Variants in RBM27 observed in about 807,000 individuals in gnomAD.
The protein encoded by RBM27 is RNA-binding protein 27.
A neutral mutation model predicts 135.3 loss-of-function variants in RBM27; 22 were observed. That is an observed-to-expected ratio of 0.16 (90% CI 0.12 to 0.23). The LOEUF (loss-of-function observed/expected upper bound fraction) is 0.23, where lower values mean the gene tolerates loss of function less well. RBM27 is among the 10% of genes least tolerant of loss of function. The pLI, the probability that RBM27 is intolerant of heterozygous loss-of-function variation, is 1.00. For synonymous variants in RBM27, 481 were observed against 442.4 expected (o/e 1.09, Z -1.10); for missense variants, 1,009 against 1,281.0 (o/e 0.79, Z 3.24).
chr5:146,283,561 A>G (rs1204138917), intron 19 of RBM27, among the ~76,000 whole-genome samples: 4 of 151,958 alleles, frequency 2.6e-5, no homozygotes, highest in African/African-American at 9.7e-5. Flanking sequence ...AAAGGTACAT[A>G]TCTATATTTG....
chr5:146,266,983 A>G (rs1758643273), intron 14 of RBM27, among the ~76,000 whole-genome samples: 3 of 152,208 alleles, frequency 2.0e-5, no homozygotes, highest in Admixed American at 2.0e-4. Context: ...TAATACTTAG[A>G]AGGATTTTTC....
At chr5:146,228,221 G>A (rs1756759094) in intron 3 of RBM27, among the ~76,000 whole-genome samples, 1 of 150,546 alleles carries the variant, frequency 6.6e-6, no homozygotes, top group South Asian at 2.1e-4. Context: ...GCCCTCTCTT[G>A]CGCCAGAAAT....
chr5:146,247,079 G>C (rs1236604313), intron 8 of RBM27, among the ~76,000 whole-genome samples: 1 of 151,932 alleles, frequency 6.6e-6, no homozygotes, highest in African/African-American at 2.4e-5. Flanking sequence ...GCCCAGGCTG[G>C]TCTCAAACTC....
At chr5:146,231,866 CAGCCTCCCAAAGTGCTGGG>C (rs1756949156) in intron 6 of RBM27, among the ~76,000 whole-genome samples, 2 of 152,172 alleles carry the variant, frequency 1.3e-5, no homozygotes, top group Non-Finnish European at 2.9e-5. Flanking sequence ...CCACCTTCCT[CAGCCTCCCAAAGTGCTGGG>C]ATTACAGGTG....
intron 17 of RBM27, among the ~76,000 whole-genome samples, 156 bp downstream of exon 17, chr5:146,269,740 AC>A (rs1258683886): frequency 2.2e-5 from 3 of 136,854 alleles, no homozygotes; most frequent in Non-Finnish European, 3.1e-5. Flanking sequence ...TAATTATAGT[AC>A]CTTTTTTTTT....
chr5:146,247,828 G>A (rs745344530), intron 8 of RBM27, among the ~76,000 whole-genome samples: 19 of 152,256 alleles, frequency 1.2e-4, no homozygotes, highest in Non-Finnish European at 2.4e-4. Flanking sequence ...GTGTGTAAAG[G>A]TGTTTTCATC....
chr5:146,233,223 A>G (rs1757012695), intron 6 of RBM27, among the ~76,000 whole-genome samples: 1 of 152,114 alleles, frequency 6.6e-6, no homozygotes, highest in Non-Finnish European at 1.5e-5. Context: ...TGACTCTTTT[A>G]TTTGCTTTCT....
intron 8 of RBM27, among the ~76,000 whole-genome samples, chr5:146,247,363 A>G (rs892966200): frequency 6.6e-6 from 1 of 152,196 alleles, no homozygotes; most frequent in Non-Finnish European, 1.5e-5. Flanking sequence ...CAAAATTTGT[A>G]ACAGTTTACT....
chr5:146,222,288 G>T (rs561568948), intron 2 of RBM27, among the ~76,000 whole-genome samples: 3 of 152,362 alleles, frequency 2.0e-5, no homozygotes, highest in Non-Finnish European at 4.4e-5. Flanking sequence ...TTATGTAAAA[G>T]ATGTAATCAT....
rs184964365 is a variant in RBM27, at chr5:146,219,380, G to A, written c.178+277G>A. Among the ~76,000 whole-genome samples the A allele has an allele frequency of 4.6e-5, 7 of 152,302 alleles. No homozygotes were observed. The East Asian group carries it at 1.2e-3, about 25-fold the overall frequency. ...CAGCTTTTGACAGAGCCTACTTGAT[G>A]ATTGAGGGGTAACAGTTTAAGGATA... On this transcript the variant is annotated intron_variant, in intron 2 of 20. Transcript: ENST00000265271.
intron 1 of RBM27, among the ~76,000 whole-genome samples, chr5:146,210,063 A>G (rs953116583): frequency 6.6e-6 from 1 of 152,146 alleles, no homozygotes; most frequent in Admixed American, 6.5e-5. Flanking sequence ...CTCTTTTTAT[A>G]CAATGTATTA....
intron 1 of RBM27, among the ~76,000 whole-genome samples, chr5:146,208,540 A>G (rs917481741): frequency 3.3e-5 from 5 of 152,248 alleles, no homozygotes; most frequent in Admixed American, 6.5e-5. Flanking sequence ...CAGCTGCATG[A>G]ATAGACTAGA....
chr5:146,209,810 A>G (rs1445971748), intron 1 of RBM27, among the ~76,000 whole-genome samples: 1 of 152,208 alleles, frequency 6.6e-6, no homozygotes, highest in Non-Finnish European at 1.5e-5. Context: ...GGACTTAAGG[A>G]TACCATTCAC....
chr5:146,232,860 C>T (rs1443255747), intron 6 of RBM27, among the ~76,000 whole-genome samples: 1 of 152,194 alleles, frequency 6.6e-6, no homozygotes, highest in Non-Finnish European at 1.5e-5. Context: ...AGCGACTGCG[C>T]CCAGCCCTGC....
chr5:146,205,875 C>T (rs1056589726), intron 1 of RBM27, among the ~76,000 whole-genome samples: 1 of 151,818 alleles, frequency 6.6e-6, no homozygotes, highest in Non-Finnish European at 1.5e-5. Context: ...AAAAATTAAC[C>T]GGCTGTGGTG....
rs752655283 is a variant in RBM27 at position 146,261,640 on chromosome 5, A to G, written c.2024A>G (p.Asn675Ser). ...RFIRVLWHRENNEQPTLQSSA... is the reference protein window; with the variant it reads ...RFIRVLWHRESNEQPTLQSSA... ...ATTCGAGTCTTGTGGCATAGGGAAA[A>G]TAATGAGCAACCGACACTACAGTCC... Residue 675 changes from asparagine (N) to serine (S), a missense_variant, in exon 13 of 21, where the codon AAT (asparagine) becomes AGT (serine). Asn to Ser is a conservative substitution (Grantham distance 46). Around this residue, in one of 6 missense-constraint regions of RBM27, gnomAD observed 355 missense variants for 427.3 expected, o/e 0.83. Transcript: ENST00000265271. 2.5e-6 allele frequency: 4 copies of G among 1,614,190 alleles called. No homozygotes were observed. In the Middle Eastern group the frequency reaches 4.9e-4, roughly 200 times the overall value.
At chr5:146,280,271 G>A (rs1759278770) in intron 19 of RBM27, among the ~76,000 whole-genome samples, 1 of 151,968 alleles carries the variant, frequency 6.6e-6, no homozygotes, top group East Asian at 1.9e-4. Flanking sequence ...TTGGCCAGCT[G>A]GTCTCAAACT....
At chr5:146,279,225 G>A (rs1581244368) in intron 19 of RBM27, among the ~76,000 whole-genome samples, 1 of 151,566 alleles carries the variant, frequency 6.6e-6, no homozygotes, top group Non-Finnish European at 1.5e-5. Flanking sequence ...CCAGGTGGGT[G>A]GATCACGAGG....
chr5:146,216,806 C>T (rs890662405), intron 1 of RBM27, among the ~76,000 whole-genome samples: 1 of 151,926 alleles, frequency 6.6e-6, no homozygotes, highest in African/African-American at 2.4e-5. Context: ...TACAGGTGTG[C>T]GCCACCATGC....
Sources: allele counts gnomAD v4.1 joint callset (sites outside exome capture counted in the v4.1 genomes callset), GRCh38; gene constraint gnomAD v4.1.1; regional missense constraint gnomAD v4.1.1; transcripts MANE v1.5; gene names NCBI Gene and HGNC (gene_info 2026-07-23, HGNC 2026-07-21).